Variants in CLASP1 observed in about 807,000 individuals in gnomAD.
CLASP1 encodes CLIP-associating protein 1.
Under a neutral mutation model 192.3 loss-of-function variants are expected in CLASP1, and 38 were observed. The ratio of observed to expected loss-of-function variants is 0.20; its 90% confidence interval spans 0.15 to 0.26. The LOEUF (loss-of-function observed/expected upper bound fraction) is 0.26. CLASP1 is among the 10% of genes least tolerant of loss of function. The pLI, the probability that CLASP1 is intolerant of heterozygous loss-of-function variation, is 1.00. For synonymous variants in CLASP1, 691 were observed against 712.8 expected (o/e 0.97, Z 0.49); for missense variants, 1,433 against 1,932.5 (o/e 0.74, Z 4.85).
intron 21 of CLASP1, among the ~76,000 whole-genome samples, chr2:121,426,093 C>T (rs1231339289): frequency 2.6e-5 from 4 of 151,736 alleles, no homozygotes; most frequent in Admixed American, 1.3e-4. Flanking sequence ...TGAAGTGAGC[C>T]ATGATCACAC....
At chr2:121,604,700 T>C (rs1289883192) in intron 2 of CLASP1, among the ~76,000 whole-genome samples, 1 of 152,164 alleles carries the variant, frequency 6.6e-6, no homozygotes, top group Non-Finnish European at 1.5e-5. Flanking sequence ...GTAGGATAAA[T>C]TTTATATCCA....
chr2:121,616,066 A>G (rs910939956), intron 1 of CLASP1, among the ~76,000 whole-genome samples: 3 of 152,214 alleles, frequency 2.0e-5, no homozygotes, highest in Non-Finnish European at 4.4e-5. Flanking sequence ...TAAGGAGTTC[A>G]AGAAGCCTTA....
intron 33 of CLASP1, among the ~76,000 whole-genome samples, chr2:121,380,007 G>C (rs1264745456): frequency 6.6e-6 from 1 of 152,180 alleles, no homozygotes; most frequent in African/African-American, 2.4e-5. Flanking sequence ...ACTAGCCTGG[G>C]GTTTGAAGTA....
intron 39 of CLASP1, among the ~76,000 whole-genome samples, chr2:121,346,322 A>G (rs1312490042): frequency 6.6e-6 from 1 of 152,176 alleles, no homozygotes. Flanking sequence ...CCACAGCATA[A>G]GGCCGGGTTT....
chr2:121,356,373 T>C (rs1335349020), intron 37 of CLASP1, among the ~76,000 whole-genome samples: 2 of 152,214 alleles, frequency 1.3e-5, no homozygotes, highest in Non-Finnish European at 2.9e-5. Context: ...GACATGGTCC[T>C]GGGATTTACA....
exon 38 of CLASP1, chr2:121,348,651 T>C (rs766755815): frequency 5.6e-6 from 9 of 1,613,778 alleles, no homozygotes; most frequent in East Asian, 2.2e-5. Context: ...GCAGAGCACC[T>C]TGATGCACTG....
At chr2:121,508,538 C>A (rs1251780160) in intron 7 of CLASP1, among the ~76,000 whole-genome samples, 1 of 151,998 alleles carries the variant, frequency 6.6e-6, no homozygotes, top group South Asian at 2.1e-4. Context: ...ATAGATTAAA[C>A]CAATGGAAAG....
intron 1 of CLASP1, among the ~76,000 whole-genome samples, chr2:121,618,891 C>A (rs2066889446): frequency 6.6e-6 from 1 of 152,164 alleles, no homozygotes; most frequent in South Asian, 2.1e-4. Flanking sequence ...CACCAAAAGT[C>A]AACAGTGCTT....
At chr2:121,458,866 C>T (rs1186913031) in exon 13 of CLASP1, 1 of 1,611,462 alleles carries the variant, frequency 6.2e-7, no homozygotes, top group Middle Eastern at 1.7e-4. Context: ...ACAGCTACAA[C>T]ACCAGATGTG....
At chr2:121,382,213 A>T in exon 33 of CLASP1, 2 of 1,605,536 alleles carry the variant, frequency 1.2e-6, no homozygotes, top group South Asian at 2.2e-5. Flanking sequence ...GTTACCTGGG[A>T]GAGTAAGAGC....
chr2:121,531,157 G>C (rs184714197), intron 2 of CLASP1: 3 of 611,430 alleles, frequency 4.9e-6, no homozygotes, highest in African/African-American at 3.7e-5. Context: ...GTGATTAAAC[G>C]GGAAGGATTT....
chr2:121,382,011 C>T (rs1002952887), intron 33 of CLASP1, among the ~76,000 whole-genome samples, 197 bp downstream of exon 34: 8 of 152,138 alleles, frequency 5.3e-5, no homozygotes, highest in South Asian at 2.1e-4. Flanking sequence ...TGTGACACAG[C>T]AGGAACCATA....
At chr2:121,544,907 C>CT (rs3078562) in intron 2 of CLASP1, among the ~76,000 whole-genome samples, 31 of 122,870 alleles carry the variant, frequency 2.5e-4, no homozygotes, top group Non-Finnish European at 4.2e-4. Context: ...CTTTTCTTTT[C>CT]TTTTTTTTTT....
intron 14 of CLASP1, 85 bp downstream of exon 14, chr2:121,457,602 G>A: frequency 5.8e-6 from 6 of 1,034,146 alleles, no homozygotes; most frequent in African/African-American, 1.6e-5. Context: ...TGTTATACAT[G>A]AAATTTTATC....
chr2:121,393,854 C>T (rs890398815), intron 30 of CLASP1, among the ~76,000 whole-genome samples: 3 of 147,440 alleles, frequency 2.0e-5, no homozygotes, highest in African/African-American at 5.0e-5. Flanking sequence ...TTTAGAGCCA[C>T]GGATATCTTG....
chr2:121,583,843 T>C (rs938311124), intron 2 of CLASP1, among the ~76,000 whole-genome samples: 2 of 152,170 alleles, frequency 1.3e-5, no homozygotes, highest in Non-Finnish European at 2.9e-5. Flanking sequence ...GGCAGAGCTC[T>C]CATGAATGAG....
chr2:121,614,647 C>T (rs112555500), intron 1 of CLASP1, among the ~76,000 whole-genome samples: 87 of 152,110 alleles, frequency 5.7e-4, no homozygotes, highest in African/African-American at 2.0e-3. Flanking sequence ...ATGGATGGAG[C>T]GAATATATTC....
At chr2:121,530,838 G>C in intron 2 of CLASP1, 1 of 666,866 alleles carries the variant, frequency 1.5e-6, no homozygotes, top group East Asian at 2.7e-5. Flanking sequence ...ACCCTACCAG[G>C]TATTGGCGCT....
chr2:121,636,338 AAATAATAATAATAATAAT>A (rs58688393), intron 1 of CLASP1, among the ~76,000 whole-genome samples: 3 of 138,174 alleles, frequency 2.2e-5, no homozygotes, highest in African/African-American at 8.4e-5. Flanking sequence ...TCCATTTCAA[AAATAATAATAATAATAAT>A]AATAATAATA....
Sources: gnomAD v4.1 joint callset for allele counts (sites outside exome capture counted in the v4.1 genomes callset) on GRCh38, gnomAD v4.1.1 for gene constraint, MANE v1.5 for transcripts, NCBI Gene and HGNC (gene_info 2026-07-23, HGNC 2026-07-21) for gene names.